Variants in ZKSCAN8 observed in about 807,000 individuals in gnomAD.
ZKSCAN8 encodes the protein zinc finger with KRAB and SCAN domains 8, also known as zinc finger protein with KRAB and SCAN domains 8.
Under a neutral mutation model 57.2 loss-of-function variants are expected in ZKSCAN8, and 27 were observed. The observed-to-expected ratio is 0.47, with a 90% CI of 0.35 to 0.65. ZKSCAN8 has a LOEUF of 0.65. ZKSCAN8 is among the 30% of genes least tolerant of loss of function. The probability of loss-of-function intolerance (pLI) is 0.01; values close to 1 mark genes in which losing one functional copy is unlikely to be tolerated. For missense variants in ZKSCAN8, 597 were observed against 696.3 expected, an observed-to-expected ratio of 0.86 and a Z score of 1.60; for synonymous variants, 214 against 248.7, an observed-to-expected ratio of 0.86 and a Z score of 1.31.
At chr6:28,147,064 T>C (rs1561818278) in intron 1 of ZKSCAN8, among the ~76,000 whole-genome samples, 1 of 151,738 alleles carries the variant, frequency 6.6e-6, no homozygotes, top group Non-Finnish European at 1.5e-5. Flanking sequence ...AAAAATGAAC[T>C]TTTTTTCTTC....
In ZKSCAN8 at chr6:28,153,174, G is replaced by A. The variant is rs1172382539; in HGVS notation, c.894G>A (p.Glu298=). The change falls in exon 6 of 6, where the codon GAG becomes GAA. Residue 298 remains glutamate, a synonymous_variant. Transcript: ENST00000330236. ...KCNGDVIRGL[E]HEEARDLLGR... ...ACGGGGATGTTATCAGGGGTCTTGA[G>A]CATGAAGAAGCCCGAGACCTTCTGG... The A allele has an allele frequency of 6.2e-7, 1 of 1,614,228 alleles. No individual in the cohort carries two copies. The highest frequency in any genetic ancestry group is 8.5e-7 in the Non-Finnish European group (1 of 1,180,046).
intron 1 of ZKSCAN8, among the ~76,000 whole-genome samples, chr6:28,142,469 CTCT>C (rs1360904315): frequency 6.6e-6 from 1 of 151,294 alleles, no homozygotes; most frequent in East Asian, 1.9e-4. Context: ...TTTGCTGTTA[CTCT>C]TCTTTCTTTA....
chr6:28,152,403 A>G lies in ZKSCAN8; in HGVS notation c.775+19A>G. 6 of 1,580,706 alleles carry G rather than the reference A, an allele frequency of 3.8e-6. No individual in the cohort carries two copies. The highest frequency in any genetic ancestry group is 5.1e-6 in the Non-Finnish European group (6 of 1,169,610). ...TCCCTGGGTAAGGAGAGGTGTGGTTATTATTGTCATTTTAGATTTTTTGTT... is the reference window on the plus strand; with the variant it reads ...TCCCTGGGTAAGGAGAGGTGTGGTTGTTATTGTCATTTTAGATTTTTTGTT... On this transcript the variant is annotated intron_variant, in intron 5 of 5. Transcript: ENST00000330236.
chr6:28,146,053 A>G (rs1054926100), intron 1 of ZKSCAN8, among the ~76,000 whole-genome samples: 2 of 152,238 alleles, frequency 1.3e-5, no homozygotes, highest in Non-Finnish European at 2.9e-5. Flanking sequence ...GATGATGTCT[A>G]TACCAAGGAT....
intron 3 of ZKSCAN8, among the ~76,000 whole-genome samples, 181 bp from the exon 4 acceptor site, chr6:28,151,664 G>A (rs995060662): frequency 5.9e-5 from 9 of 152,208 alleles, no homozygotes; most frequent in Admixed American, 1.3e-4. Context: ...ATCGGGGTGC[G>A]TATGTTTTGT....
chr6:28,153,939 A>G lies in ZKSCAN8; in HGVS notation c.1659A>G (p.Lys553=), dbSNP rs1165701689. The change falls in exon 6 of 6, where the codon AAA becomes AAG. Residue 553 remains lysine (K), a synonymous_variant. Coordinates refer to ENST00000330236, the MANE Select transcript of ZKSCAN8 (RefSeq NM_006298.4). ...CCTACCAATGTAATGAGTGTGGGAA[A>G]GCCTTTATTCAGAGGTCAAGTCTCA... ...EKPYQCNECG[K]AFIQRSSLIR... The G allele has an allele frequency of 3.1e-6, 5 of 1,614,130 alleles. No individual in the cohort carries two copies. The highest frequency in any genetic ancestry group is 2.5e-6 in the Non-Finnish European group (3 of 1,179,966).
Position 28,154,155 on chromosome 6 carries a change from A to T in ZKSCAN8, c.*138A>T. 2 of 1,316,218 alleles carry T rather than the reference A, an allele frequency of 1.5e-6. No homozygotes were observed. The highest frequency in any genetic ancestry group is 2.0e-6 in the Non-Finnish European group (2 of 978,910). 81.5% of individuals were successfully genotyped at this position (1,316,218 alleles called of 1,614,324 possible). A position where few individuals can be genotyped will look rare whatever the true frequency, so the allele number is the denominator to read the frequency against. On this transcript the variant is annotated 3_prime_UTR_variant, in exon 6 of 6. Transcript: ENST00000330236. ...AATCTATAGTGGTGGCAAAGTTAGG[A>T]TAGCTCTTTAGTAATTTGGGCCCAG...
At position 28,150,154 on chromosome 6, in the gene ZKSCAN8, T is replaced by C. The variant is rs530698016; in HGVS notation, c.559+530T>C. 2.6e-3 allele frequency among the ~76,000 whole-genome samples: 403 copies of C among 152,352 alleles called. 2 individuals are homozygous for C. The highest frequency in any genetic ancestry group is 9.0e-3 in the African/African-American group (373 of 41,580). Reference sequence around the variant, plus strand: ...ACAGTTGCCCCAATTATGTTCTTTCTGGTTCAGAGTCTAGTCTGGCGTCAC... The same window carrying C: ...ACAGTTGCCCCAATTATGTTCTTTCCGGTTCAGAGTCTAGTCTGGCGTCAC... On this transcript the variant is annotated intron_variant, in intron 3 of 5. Transcript: ENST00000330236.
rs1765230580 is a variant in ZKSCAN8, at chr6:28,142,009, G to A, written c.-113G>A. The A allele has an allele frequency of 6.6e-6, 1 of 152,362 alleles. No individual in the cohort carries two copies. Among genetic ancestry groups the A allele is most frequent in the South Asian group, 2.1e-4 (1 of 4,834 alleles). 9.4% of individuals were successfully genotyped at this position (152,362 alleles called of 1,614,324 possible). ...CGTTGCAGCCTCCCTTCCCCACGAC[G>A]GGGCGCCTCTGCAACTCACAGTGAG... On this transcript the variant is annotated 5_prime_UTR_variant, in exon 1 of 6. Coordinates refer to ENST00000330236, the MANE Select transcript of ZKSCAN8 (RefSeq NM_006298.4).
Position 28,155,856 on chromosome 6 carries a change from T to G in ZKSCAN8, c.*1839T>G. 1 of 301,068 alleles carries G rather than the reference T, an allele frequency of 3.3e-6. No homozygotes were observed. Among genetic ancestry groups the G allele is most frequent in the Non-Finnish European group, 6.1e-6 (1 of 164,826 alleles). 18.6% of individuals were successfully genotyped at this position (301,068 alleles called of 1,614,324 possible). A position where few individuals can be genotyped will look rare whatever the true frequency, so the allele number is the denominator to read the frequency against. ...TATCTACATCAATTTCATTGAGCCA[T>G]TGGTGAATGAAGACACCCATCACTT... On this transcript the variant is annotated 3_prime_UTR_variant, in exon 6 of 6. Coordinates refer to ENST00000330236, the MANE Select transcript of ZKSCAN8 (RefSeq NM_006298.4).
chr6:28,145,063 A>C (rs1001755740), intron 1 of ZKSCAN8, among the ~76,000 whole-genome samples: 105 of 152,102 alleles, frequency 6.9e-4, no homozygotes, highest in African/African-American at 2.4e-3. Flanking sequence ...TCTCAAACAA[A>C]AAAAAAAAGA....
Position 28,152,400 on chromosome 6 carries a change from G to A in ZKSCAN8, c.775+16G>A, listed in dbSNP as rs750836347. 4.4e-6 allele frequency: 7 copies of A among 1,584,192 alleles called. No homozygotes were observed. Among genetic ancestry groups the A allele is most frequent in the Non-Finnish European group, 4.3e-6 (5 of 1,170,990 alleles). ...TTCTCCCTGGGTAAGGAGAGGTGTG[G>A]TTATTATTGTCATTTTAGATTTTTT... On this transcript the variant is annotated intron_variant, in intron 5 of 5. Transcript: ENST00000330236.
chr6:28,142,244 T>C (rs940343584), intron 1 of ZKSCAN8: 11 of 152,224 alleles, frequency 7.2e-5, no homozygotes, highest in Non-Finnish European at 1.2e-4. Context: ...GAAGCTTTCT[T>C]CATAGATAAT....
Position 28,148,597 on chromosome 6 carries a change from G to C in ZKSCAN8, c.190G>C (p.Gly64Arg), listed in dbSNP as rs754942871. 8.1e-6 allele frequency: 13 copies of C among 1,614,134 alleles called. No homozygotes were observed. The highest frequency in any genetic ancestry group is 1.1e-5 in the Non-Finnish European group (13 of 1,180,014). Residue 64 changes from glycine (G) to arginine (R), a missense_variant, in exon 2 of 6, where the codon GGA (glycine) becomes CGA (arginine). Coordinates refer to ENST00000330236, the MANE Select transcript of ZKSCAN8 (RefSeq NM_006298.4). ...FRQLRYQETLGPREALIQLRA... is the reference protein window; with the variant it reads ...FRQLRYQETLRPREALIQLRA... ...GCAGTTACGCTACCAGGAGACACTA[G>C]GACCCCGAGAAGCTCTGATCCAACT...
chr6:28,156,465 G>A lies in ZKSCAN8; in HGVS notation c.*2448G>A. On this transcript the variant is annotated 3_prime_UTR_variant, in exon 6 of 6. Coordinates refer to ENST00000330236, the MANE Select transcript of ZKSCAN8 (RefSeq NM_006298.4). ...TAGAAAAATTAGTGTTATATTGGGT[G>A]TGAGAAAAGACTGTGTCTTGAAAGA... The A allele has an allele frequency of 2.8e-6, 1 of 354,708 alleles. No individual in the cohort carries two copies. The highest frequency in any genetic ancestry group is 5.0e-6 in the Non-Finnish European group (1 of 198,314). 22.0% of individuals were successfully genotyped at this position (354,708 alleles called of 1,614,324 possible). A position where few individuals can be genotyped will look rare whatever the true frequency, so the allele number is the denominator to read the frequency against.
In ZKSCAN8 at chr6:28,155,261, C is replaced by G. The variant is rs1765746840; in HGVS notation, c.*1244C>G. 6.6e-6 allele frequency: 1 copy of G among 152,190 alleles called. No individual in the cohort carries two copies. Among genetic ancestry groups the G allele is most frequent in the Admixed American group, 6.5e-5 (1 of 15,280 alleles). 9.4% of individuals were successfully genotyped at this position (152,190 alleles called of 1,614,324 possible). ...TATAATCTACCAACAAAGATGTACT[C>G]TTAAACTCAGTATCACCAGGCACTA... On this transcript the variant is annotated 3_prime_UTR_variant, in exon 6 of 6. Coordinates refer to ENST00000330236, the MANE Select transcript of ZKSCAN8 (RefSeq NM_006298.4).
At chr6:28,148,219 A>G (rs1302233535) in intron 1 of ZKSCAN8, 97 bp from the exon 2 acceptor site, 1 of 559,664 alleles carries the variant, frequency 1.8e-6, no homozygotes, top group Non-Finnish European at 3.1e-6. Flanking sequence ...TGGCCGAGCC[A>G]TGAAGTCCGT....
intron 4 of ZKSCAN8, 45 bp downstream of exon 4, chr6:28,151,981 C>G: frequency 6.3e-7 from 1 of 1,596,874 alleles, no homozygotes; most frequent in Non-Finnish European, 8.6e-7. Flanking sequence ...CTGTGCTTGT[C>G]AGTGTTTGTG....
intron 1 of ZKSCAN8, 23 bp from the exon 2 acceptor site, chr6:28,148,293 A>G: frequency 6.1e-6 from 7 of 1,144,560 alleles, no homozygotes; most frequent in Non-Finnish European, 8.5e-6. Flanking sequence ...TTGCCTTAAC[A>G]CTATCATATT....
Sources: allele counts gnomAD v4.1 joint callset (sites outside exome capture counted in the v4.1 genomes callset), GRCh38; gene constraint gnomAD v4.1.1; transcripts MANE v1.5; gene names NCBI Gene and HGNC (gene_info 2026-07-23, HGNC 2026-07-21).